FNBP1L: variants seen among roughly 807,000 people sequenced by gnomAD.
The protein encoded by FNBP1L is formin-binding protein 1-like.
FNBP1L carries 36 observed loss-of-function variants against 91.2 expected under a neutral mutation model. That is an observed-to-expected ratio of 0.39 (90% confidence interval 0.30 to 0.52). The LOEUF (loss-of-function observed/expected upper bound fraction) is 0.52, where lower values mean the gene tolerates loss of function less well. Ranked by LOEUF, FNBP1L falls within the 20% of genes least tolerant of loss-of-function variation. FNBP1L has a pLI of 0.66. For synonymous variants in FNBP1L, 242 were observed against 237.0 expected, an observed-to-expected ratio of 1.02 and a Z score of -0.19; for missense variants, 571 against 732.1, an observed-to-expected ratio of 0.78 and a Z score of 2.54.
At position 93,534,835 on chromosome 1, in the gene FNBP1L, G is replaced by C. The variant is rs754072630; in HGVS notation, c.917G>C (p.Ser306Thr). 8 of 1,579,214 alleles carry C rather than the reference G, an allele frequency of 5.1e-6. No homozygotes were observed. The African/African-American group carries it at 6.7e-5, about 13-fold the overall frequency. Residue 306 changes from serine to threonine, a missense_variant, in exon 9 of 17, where the codon AGT (serine) becomes ACT (threonine). Coordinates refer to ENST00000271234, the MANE Select transcript of FNBP1L (RefSeq NM_001164473.3). ...ACTATCAGTGCATCCAAACAGGAGA[G>C]TGGGAAGATGGATGCCAAAACCACA... The part of the protein sequence containing the change: ...DGTISASKQE[S>T]GKMDAKTTVG...
chr1:93,482,345 C>G (rs1247037056), intron 1 of FNBP1L, among the ~76,000 whole-genome samples: 1 of 151,992 alleles, frequency 6.6e-6, no homozygotes, highest in Non-Finnish European at 1.5e-5. Flanking sequence ...TTCACATTAG[C>G]AAAAAGAAAT....
chr1:93,514,698 GA>G (rs1355303074), intron 2 of FNBP1L, among the ~76,000 whole-genome samples: 1 of 151,922 alleles, frequency 6.6e-6, no homozygotes, highest in Non-Finnish European at 1.5e-5. Flanking sequence ...ATGGTGCTGG[GA>G]AAACTGGCTA....
chr1:93,523,436 G>T lies in FNBP1L; in HGVS notation c.287G>T (p.Arg96Ile). The T allele has an allele frequency of 1.2e-6, 2 of 1,610,628 alleles. No individual in the cohort carries two copies. Among genetic ancestry groups the T allele is most frequent in the Non-Finnish European group, 1.7e-6 (2 of 1,178,252 alleles). Residue 96 changes from arginine to isoleucine, a missense_variant, in exon 4 of 17, where the codon AGA (arginine) becomes ATA (isoleucine). Physicochemically the swap from Arg to Ile is moderately conservative, Grantham distance 97. Transcript: ENST00000271234. The stretch of plus-strand genomic sequence containing the variant: ...GTTGTAGCAGAAGAAATGGCGCACA[G>T]AGTGTATGGTGAATTAATGAGATAT... ...REVVAEEMAH[R>I]VYGELMRYAH... is the part of the protein sequence containing the mutation.
intron 11 of FNBP1L, among the ~76,000 whole-genome samples, chr1:93,542,716 GC>G (rs1477948614): frequency 6.7e-6 from 1 of 149,796 alleles, no homozygotes; most frequent in Non-Finnish European, 1.5e-5. Flanking sequence ...TGTTTTGAGA[GC>G]TCCTTTTAGC....
intron 1 of FNBP1L, among the ~76,000 whole-genome samples, chr1:93,450,030 A>C (rs1018498928): frequency 6.6e-6 from 1 of 152,222 alleles, no homozygotes; most frequent in African/African-American, 2.4e-5. Flanking sequence ...ACTTCTAAAA[A>C]GTAAACATAG....
intron 1 of FNBP1L, among the ~76,000 whole-genome samples, chr1:93,497,534 G>C (rs1557792636): frequency 6.6e-6 from 1 of 152,112 alleles, no homozygotes; most frequent in Non-Finnish European, 1.5e-5. Context: ...AATACCTTCA[G>C]ATTACTTTAC....
chr1:93,535,709 C>G lies in FNBP1L; in HGVS notation c.991-623C>G, dbSNP rs188534474. ...AAAGCACAATTATAATTAACTCATG[C>G]TTTATTTATGCTTTTAATCATATTG... On this transcript the variant is annotated intron_variant, in intron 9 of 16. Transcript: ENST00000271234. Among the ~76,000 whole-genome samples, 178 of 151,530 alleles carry G rather than the reference C, an allele frequency of 1.2e-3. 4 individuals carry two copies. Among genetic ancestry groups the G allele is most frequent in the African/African-American group, 4.0e-3 (167 of 41,350 alleles).
At chr1:93,454,666 G>C (rs1668599649) in intron 1 of FNBP1L, among the ~76,000 whole-genome samples, 1 of 151,784 alleles carries the variant, frequency 6.6e-6, no homozygotes, top group Admixed American at 6.6e-5. Context: ...ACTGTATACT[G>C]TAGGCCCTCC....
intron 1 of FNBP1L, among the ~76,000 whole-genome samples, chr1:93,480,804 C>T (rs368031612): frequency 1.1e-4 from 17 of 152,122 alleles, no homozygotes; most frequent in African/African-American, 2.2e-4. Flanking sequence ...CCTCGTGATC[C>T]GCCTGCCTCG....
intron 1 of FNBP1L, among the ~76,000 whole-genome samples, chr1:93,455,144 GGT>G (rs1167027107): frequency 6.6e-6 from 1 of 152,108 alleles, no homozygotes; most frequent in African/African-American, 2.4e-5. Context: ...TATCCAGGAT[GGT>G]CTCGATCTCC....
At chr1:93,513,535 ACCG>A (rs1178300320) in intron 2 of FNBP1L, among the ~76,000 whole-genome samples, 10 of 151,172 alleles carry the variant, frequency 6.6e-5, no homozygotes, top group Admixed American at 6.6e-4. Context: ...ATACTGGCAA[ACCG>A]AATCCAGCAG....
intron 11 of FNBP1L, among the ~76,000 whole-genome samples, chr1:93,543,636 G>T (rs887732300): frequency 2.0e-5 from 3 of 152,074 alleles, no homozygotes; most frequent in Non-Finnish European, 4.4e-5. Flanking sequence ...CATATTTTCA[G>T]TTTGAACATT....
intron 2 of FNBP1L, among the ~76,000 whole-genome samples, chr1:93,512,362 A>G (rs1182021943): frequency 1.3e-5 from 2 of 151,838 alleles, no homozygotes; most frequent in East Asian, 3.9e-4. Flanking sequence ...AGACAAATCA[A>G]CGAGACAGAA....
chr1:93,512,950 C>CA (rs1226320793), intron 2 of FNBP1L, among the ~76,000 whole-genome samples: 1 of 151,744 alleles, frequency 6.6e-6, no homozygotes, highest in African/African-American at 2.4e-5. Flanking sequence ...AATAGAGACA[C>CA]AAAAAACCCT....
At chr1:93,472,047 T>G (rs1669305806) in intron 1 of FNBP1L, among the ~76,000 whole-genome samples, 1 of 152,172 alleles carries the variant, frequency 6.6e-6, no homozygotes, top group South Asian at 2.1e-4. Context: ...GTAGAGAATT[T>G]AAAGGCAGTA....
intron 1 of FNBP1L, among the ~76,000 whole-genome samples, chr1:93,459,520 A>G: frequency 6.6e-6 from 1 of 152,204 alleles, no homozygotes; most frequent in East Asian, 1.9e-4. Flanking sequence ...TAAAGCCCCG[A>G]TGAGATACCA....
At chr1:93,458,391 A>G (rs1452049263) in intron 1 of FNBP1L, among the ~76,000 whole-genome samples, 1 of 152,086 alleles carries the variant, frequency 6.6e-6, no homozygotes, top group Admixed American at 6.6e-5. Context: ...CAGCCTCTCA[A>G]AGTGTTGGGA....
intron 1 of FNBP1L, among the ~76,000 whole-genome samples, chr1:93,485,146 A>G (rs1274028706): frequency 3.2e-5 from 4 of 124,742 alleles, no homozygotes; most frequent in Non-Finnish European, 7.0e-5. Flanking sequence ...ATGAGACCCT[A>G]TCTCTAAAAA....
At chr1:93,538,964 TGAGG>T (rs1371864365) in intron 10 of FNBP1L, among the ~76,000 whole-genome samples, 2 of 152,128 alleles carry the variant, frequency 1.3e-5, no homozygotes, top group Non-Finnish European at 2.9e-5. Flanking sequence ...AGATCTTTTC[TGAGG>T]GAGGAAGTTC....
Sources: allele counts gnomAD v4.1 joint callset (sites outside exome capture counted in the v4.1 genomes callset), GRCh38; gene constraint gnomAD v4.1.1; transcripts MANE v1.5; gene names NCBI Gene and HGNC (gene_info 2026-07-23, HGNC 2026-07-21).